KCNT1: variants seen among roughly 807,000 people sequenced by gnomAD.
KCNT1 encodes potassium sodium-activated channel subfamily T member 1.
In KCNT1, 78 loss-of-function variants were observed where a neutral mutation model predicts 147.8. The observed-to-expected ratio is 0.53, with a 90% confidence interval of 0.44 to 0.64. The LOEUF (loss-of-function observed/expected upper bound fraction) is 0.64, where lower values mean the gene tolerates loss of function less well. Ranked by LOEUF, KCNT1 falls within the 30% of genes least tolerant of loss-of-function variation. The probability of loss-of-function intolerance (pLI) is 0.00; values close to 1 mark genes in which losing one functional copy is unlikely to be tolerated. For missense variants in KCNT1, 1,419 were observed against 1,750.3 expected, an observed-to-expected ratio of 0.81 and a Z score of 3.38; for synonymous variants, 867 against 748.8, an observed-to-expected ratio of 1.16 and a Z score of -2.58.
chr9:135,774,201 T>C (rs1240442216), intron 19 of KCNT1, among the ~76,000 whole-genome samples: 2 of 148,414 alleles, frequency 1.3e-5, no homozygotes, highest in Non-Finnish European at 3.0e-5. Flanking sequence ...CTGAGTGGTA[T>C]TGTGTGTGGT....
chr9:135,750,718 TC>T, intron 3 of KCNT1: 1 of 586,248 alleles, frequency 1.7e-6, no homozygotes, highest in African/African-American at 1.9e-5. Flanking sequence ...CACCCCAAGT[TC>T]AGGCACCTGT....
chr9:135,731,985 T>G (rs866938029), intron 2 of KCNT1, among the ~76,000 whole-genome samples: 590 of 23,030 alleles, frequency 0.026, 16 homozygotes, highest in African/African-American at 0.045. Flanking sequence ...TATATATATA[T>G]ATATATAGAG....
At chr9:135,786,820 C>T (rs368534118) in intron 29 of KCNT1, among the ~76,000 whole-genome samples, 4 of 152,370 alleles carry the variant, frequency 2.6e-5, no homozygotes, top group African/African-American at 9.6e-5. Flanking sequence ...GGGAGGTGCT[C>T]GCTTCCACTG....
chr9:135,787,517 CTGCGTCT>C (rs1268849092), intron 29 of KCNT1, among the ~76,000 whole-genome samples: 1 of 152,194 alleles, frequency 6.6e-6, no homozygotes, highest in African/African-American at 2.4e-5. Flanking sequence ...ACCCTGCTTC[CTGCGTCT>C]GTCACCTGGG....
intron 1 of KCNT1, among the ~76,000 whole-genome samples, chr9:135,707,515 G>A (rs761872880): frequency 7.9e-5 from 12 of 152,248 alleles, no homozygotes; most frequent in Admixed American, 5.9e-4. Flanking sequence ...GCTGTGGGCC[G>A]ATGCAGCTGG....
At chr9:135,703,498 C>T (rs891612258) in intron 1 of KCNT1, among the ~76,000 whole-genome samples, 7 of 152,192 alleles carry the variant, frequency 4.6e-5, no homozygotes, top group Non-Finnish European at 4.4e-5. Flanking sequence ...CGGGGGAGTC[C>T]GGGGTACAGC....
chr9:135,788,051 TTC>T (rs200386590), intron 29 of KCNT1: 9,892 of 1,241,712 alleles, frequency 8.0e-3, no homozygotes, highest in Non-Finnish European at 9.3e-3. Flanking sequence ...CTTGCTGATA[TTC>T]TCTCTCTCTC....
At chr9:135,708,398 T>C (rs1835345030) in intron 1 of KCNT1, among the ~76,000 whole-genome samples, 1 of 152,242 alleles carries the variant, frequency 6.6e-6, no homozygotes, top group South Asian at 2.1e-4. Flanking sequence ...TGCATGTGCG[T>C]ATTTACGTGC....
intron 3 of KCNT1, 82 bp downstream of exon 3, chr9:135,750,259 GGGGC>G: frequency 8.7e-7 from 1 of 1,153,362 alleles, no homozygotes. Context: ...GGCGAAGGCT[GGGGC>G]TGTGAGCTCA....
chr9:135,783,423 C>G (rs1327498797), intron 24 of KCNT1, among the ~76,000 whole-genome samples: 1 of 152,208 alleles, frequency 6.6e-6, no homozygotes, highest in Non-Finnish European at 1.5e-5. Flanking sequence ...GGGCCCTGCC[C>G]AGGCCTGGAT....
In KCNT1 at chr9:135,702,211, G is replaced by T; in HGVS notation, c.-48G>T. 4 of 1,362,948 alleles carry T rather than the reference G, an allele frequency of 2.9e-6. No homozygotes were observed. The highest frequency in any genetic ancestry group is 4.1e-6 in the Non-Finnish European group (4 of 967,446). 84.4% of individuals were successfully genotyped at this position (1,362,948 alleles called of 1,614,324 possible). ...GGGCAACGCGAGGGAAGAAGGTGGC[G>T]GCTCCCACTCGCTTCTCCCTCGGGT... On this transcript the variant is annotated 5_prime_UTR_variant, in exon 1 of 31. Transcript: ENST00000371757.
At chr9:135,774,808 G>T (rs935216704) in intron 19 of KCNT1, among the ~76,000 whole-genome samples, 7 of 152,112 alleles carry the variant, frequency 4.6e-5, no homozygotes, top group Non-Finnish European at 8.8e-5. Flanking sequence ...ACCATGGGGG[G>T]GTCCTGGGCT....
At chr9:135,742,592 C>T (rs1314957901) in intron 2 of KCNT1, among the ~76,000 whole-genome samples, 7 of 139,390 alleles carry the variant, frequency 5.0e-5, no homozygotes, top group South Asian at 2.2e-4. Flanking sequence ...TGCCCGGGGG[C>T]GCCAAAGGTC....
chr9:135,720,722 A>G (rs891950463), intron 2 of KCNT1, among the ~76,000 whole-genome samples: 1 of 152,198 alleles, frequency 6.6e-6, no homozygotes, highest in African/African-American at 2.4e-5. Context: ...AAGGCCCGGG[A>G]GCCAGCCCCA....
chr9:135,711,790 G>T (rs923485600), intron 1 of KCNT1, among the ~76,000 whole-genome samples: 1 of 152,168 alleles, frequency 6.6e-6, no homozygotes, highest in Admixed American at 6.5e-5. Context: ...CACGCTGGGC[G>T]CCGGCCACCC....
chr9:135,755,209 G>A, intron 6 of KCNT1, 40 bp downstream of exon 6: 3 of 1,568,798 alleles, frequency 1.9e-6, no homozygotes, highest in South Asian at 2.4e-5. Context: ...CTGCAGTGGT[G>A]CTCAGTAAGC....
intron 23 of KCNT1, 119 bp from the exon 24 acceptor site, chr9:135,779,240 C>T (rs1423539424): frequency 1.6e-5 from 9 of 574,660 alleles, no homozygotes; most frequent in Middle Eastern, 5.2e-4. Context: ...TGCCCTGAGA[C>T]CCCCCCACAG....
At chr9:135,743,827 G>A (rs1051777394) in intron 2 of KCNT1, among the ~76,000 whole-genome samples, 1 of 152,218 alleles carries the variant, frequency 6.6e-6, no homozygotes, top group Non-Finnish European at 1.5e-5. Context: ...CAAGCTATGG[G>A]GGGGCCCCAG....
At chr9:135,773,281 C>T (rs1832889122) in intron 19 of KCNT1, among the ~76,000 whole-genome samples, 1 of 152,180 alleles carries the variant, frequency 6.6e-6, no homozygotes, top group African/African-American at 2.4e-5. Flanking sequence ...GGCAGCGCCA[C>T]CCTCAGAGAG....
Sources: gnomAD v4.1 joint callset for allele counts (sites outside exome capture counted in the v4.1 genomes callset) on GRCh38, gnomAD v4.1.1 for gene constraint, MANE v1.5 for transcripts, NCBI Gene and HGNC (gene_info 2026-07-23, HGNC 2026-07-21) for gene names.